Variants in APTX observed in about 807,000 individuals in gnomAD.
The protein encoded by APTX is aprataxin.
A neutral mutation model predicts 42.3 loss-of-function variants in APTX; 33 were observed. That is an observed-to-expected ratio of 0.78 (90% CI 0.59 to 1.04). APTX has a LOEUF of 1.04. APTX is among the 50% of genes least tolerant of loss of function. The pLI is 0.00. For synonymous variants in APTX, 130 were observed against 146.7 expected (o/e 0.89, Z 0.82); for missense variants, 421 against 415.1 (o/e 1.01, Z -0.12).
chr9:33,006,281 T>A (rs12379598), upstream of APTX, among the ~76,000 whole-genome samples: 10,715 of 152,074 alleles, frequency 0.07, 510 homozygotes, highest in Non-Finnish European at 0.11. Flanking sequence ...ATAAAAAGAA[T>A]TTTTTTTAAA....
At chr9:33,001,287 C>G (rs897417779) in intron 1 of APTX, 25 of 1,476,658 alleles carry the variant, frequency 1.7e-5, no homozygotes, top group African/African-American at 4.2e-5. Context: ...GGACAGGGCC[C>G]ATTCTCTAAT....
chr9:32,997,344 T>A (rs1182050485), intron 1 of APTX: 1 of 107,320 alleles, frequency 9.3e-6, no homozygotes, highest in African/African-American at 3.4e-5. Context: ...CTAAAAAAAA[T>A]AAATCTTGTG....
At chr9:32,994,478 C>T (rs1429218549) in intron 1 of APTX, among the ~76,000 whole-genome samples, 1 of 152,150 alleles carries the variant, frequency 6.6e-6, no homozygotes, top group Non-Finnish European at 1.5e-5. Context: ...CCTCTCTTCC[C>T]CAAGAAACAC....
At chr9:33,020,631 A>C (rs1000876065) in intron 1 of APTX, among the ~76,000 whole-genome samples, 3 of 152,246 alleles carry the variant, frequency 2.0e-5, no homozygotes, top group African/African-American at 7.2e-5. Context: ...CACAAAAGAA[A>C]GAACAGATGA....
chr9:32,976,822 G>A (rs1829539104), intron 6 of APTX, among the ~76,000 whole-genome samples: 1 of 152,156 alleles, frequency 6.6e-6, no homozygotes, highest in Non-Finnish European at 1.5e-5. Context: ...ACCTGCACAA[G>A]AAATTACAAG....
At position 33,009,424 on chromosome 9, in the gene APTX, ATTCT is replaced by A. The variant is rs374508048; in HGVS notation, c.-5+15595_-5+15598del. On this transcript the variant is annotated intron_variant, in intron 1 of 6. Transcript: ENST00000436040. ...TATTGAGTTCCTTGATGTTCGTGCTATTCTTTCTGGAATGTTATTCTTTCTTTTC... is the reference window on the plus strand; with the variant it reads ...TATTGAGTTCCTTGATGTTCGTGCTATTCTGGAATGTTATTCTTTCTTTTC... 2.9e-4 allele frequency among the ~76,000 whole-genome samples: 44 copies of A among 152,108 alleles called. No individual in the cohort carries two copies. In the East Asian group the frequency reaches 7.7e-3, roughly 27 times the overall value.
intron 1 of APTX, chr9:33,020,046 G>T (rs747082912): frequency 5.0e-6 from 2 of 396,906 alleles, no homozygotes; most frequent in Non-Finnish European, 4.5e-6. Flanking sequence ...GAGCTGCCGG[G>T]GTGTCCGCGC....
At chr9:33,019,821 C>T in intron 1 of APTX, 1 of 641,862 alleles carries the variant, frequency 1.6e-6, no homozygotes, top group Non-Finnish European at 2.7e-6. Context: ...CAGCGGACGG[C>T]CAGGATCCTG....
At chr9:32,973,785 C>A in intron 7 of APTX, 133 bp from the exon 8 acceptor site, 3 of 1,231,152 alleles carry the variant, frequency 2.4e-6, no homozygotes, top group South Asian at 2.5e-5. Context: ...GCTCCGTAAG[C>A]TTAGTTTAGA....
chr9:32,984,764 G>C lies in APTX; in HGVS notation c.637C>G (p.Leu213Val), dbSNP rs1445167828. The C allele has an allele frequency of 6.2e-7, 1 of 1,614,226 alleles. No homozygotes were observed. ...AGGTGTTCCCTGGCCACAGCCTTCA[G>C]ACTGGAAATGGAGGTCCACGGTAAG... is the stretch of plus-strand genomic sequence containing the variant. The part of the protein sequence containing the change: ...LVLPWTSISS[L>V]KAVAREHLEL... The change falls in exon 6 of 8, where the codon CTG becomes GTG. Residue 213 changes from leucine (L) to valine (V), a missense_variant. Physicochemically the swap from Leu to Val is conservative, Grantham distance 32. Coordinates refer to ENST00000379817, the MANE Select transcript of APTX (RefSeq NM_001195248.2).
At chr9:32,995,279 T>C (rs1036150232) in intron 1 of APTX, among the ~76,000 whole-genome samples, 5 of 152,218 alleles carry the variant, frequency 3.3e-5, no homozygotes, top group Non-Finnish European at 7.3e-5. Context: ...ACAACCATTC[T>C]AGATGCCCTT....
At chr9:33,007,000 A>AAAAAAAAAAAAAAAAG (rs1837198734) in intron 1 of APTX, among the ~76,000 whole-genome samples, 1 of 17,520 alleles carries the variant, frequency 5.7e-5, no homozygotes. Flanking sequence ...ACTCTGTCTC[A>AAAAAAAAAAAAAAAAG]AAAAAAAAAA....
At chr9:32,977,249 G>T (rs771684625) in intron 6 of APTX, among the ~76,000 whole-genome samples, 1 of 152,140 alleles carries the variant, frequency 6.6e-6, no homozygotes, top group Non-Finnish European at 1.5e-5. Context: ...TACTCAGGAG[G>T]CTGATGCAGG....
chr9:32,996,797 C>A (rs1049151544), intron 1 of APTX, among the ~76,000 whole-genome samples: 2 of 152,234 alleles, frequency 1.3e-5, no homozygotes, highest in Non-Finnish European at 2.9e-5. Context: ...CAGACTGCAT[C>A]ACTGCCTACG....
upstream of APTX, among the ~76,000 whole-genome samples, chr9:33,002,905 A>T (rs140639949): frequency 1.8e-4 from 28 of 152,350 alleles, no homozygotes; most frequent in East Asian, 3.5e-3. Flanking sequence ...AGGATCTTCC[A>T]AGAAACACAG....
intron 1 of APTX, among the ~76,000 whole-genome samples, chr9:33,017,938 C>CA (rs1002468922): frequency 2.1e-5 from 3 of 143,080 alleles, no homozygotes; most frequent in African/African-American, 7.7e-5. Flanking sequence ...GCCCCCCCCC[C>CA]CCTCCCATTT....
At chr9:32,984,892 C>A (rs1231478274) in intron 5 of APTX, 35 bp from the exon 6 acceptor site, 2 of 1,561,410 alleles carry the variant, frequency 1.3e-6, no homozygotes, top group Non-Finnish European at 1.8e-6. Context: ...AAACAGACAT[C>A]TACTAAGAAT....
chr9:33,013,582 A>G (rs939034258), intron 1 of APTX, among the ~76,000 whole-genome samples: 7 of 152,178 alleles, frequency 4.6e-5, no homozygotes, highest in East Asian at 1.9e-4. Flanking sequence ...CAAGGCGGGC[A>G]GATCACAAGG....
chr9:32,977,301 C>T (rs1179236087), intron 6 of APTX, among the ~76,000 whole-genome samples: 16 of 151,328 alleles, frequency 1.1e-4, no homozygotes, highest in Non-Finnish European at 7.4e-5. Flanking sequence ...GCCTGAGCAA[C>T]ATAGTGAGAC....
Sources: gnomAD v4.1 joint callset for allele counts (sites outside exome capture counted in the v4.1 genomes callset) on GRCh38, gnomAD v4.1.1 for gene constraint, MANE v1.5 for transcripts, NCBI Gene and HGNC (gene_info 2026-07-23, HGNC 2026-07-21) for gene names.